Variants in DGKB observed in about 807,000 individuals in gnomAD.
DGKB encodes the protein diacylglycerol kinase beta, also known as 90 kDa diacylglycerol kinase.
Under a neutral mutation model 114.3 loss-of-function variants are expected in DGKB, and 67 were observed. The ratio of observed to expected loss-of-function variants is 0.59; its 90% confidence interval spans 0.48 to 0.72. DGKB has a LOEUF of 0.72. DGKB is among the 30% of genes least tolerant of loss of function. DGKB has a pLI of 0.00. For missense variants in DGKB, 907 were observed against 975.2 expected (o/e 0.93, Z 0.93); for synonymous variants, 398 against 323.1 (o/e 1.23, Z -2.49).
At chr7:14,226,383 CCTT>C (rs933073432) in intron 23 of DGKB, among the ~76,000 whole-genome samples, 1 of 151,798 alleles carries the variant, frequency 6.6e-6, no homozygotes, top group Non-Finnish European at 1.5e-5. Flanking sequence ...TGTTTTTTCT[CCTT>C]CTGACTCTAA....
At chr7:14,762,734 C>A (rs4518556) in intron 2 of DGKB, among the ~76,000 whole-genome samples, 5 of 151,874 alleles carry the variant, frequency 3.3e-5, no homozygotes, top group Non-Finnish European at 7.4e-5. Flanking sequence ...CATGAAGTAA[C>A]GGAGAGATTT....
intron 2 of DGKB, among the ~76,000 whole-genome samples, chr7:14,758,079 A>G (rs976079947): frequency 1.3e-5 from 2 of 152,084 alleles, no homozygotes; most frequent in African/African-American, 2.4e-5. Context: ...CAACTAAACT[A>G]AAGCCTACTT....
At chr7:14,496,307 A>G (rs1345965607) in intron 20 of DGKB, among the ~76,000 whole-genome samples, 3 of 151,738 alleles carry the variant, frequency 2.0e-5, no homozygotes, top group African/African-American at 7.2e-5. Context: ...TATGAAGATA[A>G]ACCTCAGTGG....
intron 23 of DGKB, among the ~76,000 whole-genome samples, chr7:14,249,012 A>C (rs1043073863): frequency 6.6e-6 from 1 of 152,118 alleles, no homozygotes; most frequent in Non-Finnish European, 1.5e-5. Context: ...ATGAATGTAC[A>C]TTCCTTCTAT....
At chr7:14,541,141 AG>A (rs1793372563) in intron 20 of DGKB, among the ~76,000 whole-genome samples, 1 of 152,014 alleles carries the variant, frequency 6.6e-6, no homozygotes, top group African/African-American at 2.4e-5. Flanking sequence ...TCATATGACA[AG>A]TGATGCCATG....
chr7:14,804,325 G>A (rs149568853), intron 2 of DGKB, among the ~76,000 whole-genome samples: 3 of 151,594 alleles, frequency 2.0e-5, no homozygotes, highest in African/African-American at 7.3e-5. Context: ...TCTCTAGTCG[G>A]TTTTAAGATT....
chr7:14,249,750 G>C (rs1463580267), intron 23 of DGKB, among the ~76,000 whole-genome samples: 1 of 151,888 alleles, frequency 6.6e-6, no homozygotes, highest in African/African-American at 2.4e-5. Context: ...TTAAAGGTTT[G>C]TAATTTTTTT....
intron 21 of DGKB, among the ~76,000 whole-genome samples, chr7:14,471,378 T>TATGTATGGA (rs1781355028): frequency 9.8e-6 from 1 of 101,548 alleles, no homozygotes; most frequent in Admixed American, 1.1e-4. Context: ...TACATACATA[T>TATGTATGGA]ATACACACAC....
At chr7:14,973,016 A>AT (rs939790879) in intron 1 of DGKB, among the ~76,000 whole-genome samples, 13 of 151,962 alleles carry the variant, frequency 8.6e-5, no homozygotes, top group South Asian at 2.1e-4. Flanking sequence ...TTTGGAACAG[A>AT]TTTTTTTCAT....
chr7:14,892,231 G>T (rs1314244175), intron 1 of DGKB, among the ~76,000 whole-genome samples: 1 of 151,274 alleles, frequency 6.6e-6, no homozygotes, highest in African/African-American at 2.4e-5. Context: ...GTAATACCAA[G>T]ATCCAGAATG....
intron 20 of DGKB, among the ~76,000 whole-genome samples, chr7:14,495,778 C>A (rs900323979): frequency 4.0e-5 from 6 of 151,746 alleles, no homozygotes; most frequent in African/African-American, 1.2e-4. Context: ...TCTAGGAAGC[C>A]TAGCTAGACA....
chr7:14,299,057 G>A (rs1803058690), intron 23 of DGKB, among the ~76,000 whole-genome samples: 1 of 152,126 alleles, frequency 6.6e-6, no homozygotes, highest in African/African-American at 2.4e-5. Flanking sequence ...ATGCTGAAGA[G>A]GATGTCGAGA....
intron 13 of DGKB, among the ~76,000 whole-genome samples, chr7:14,662,010 A>T (rs992167420): frequency 6.6e-6 from 1 of 151,994 alleles, no homozygotes; most frequent in African/African-American, 2.4e-5. Flanking sequence ...AACAATGAGA[A>T]CACATGGACA....
At position 14,540,466 on chromosome 7, in the gene DGKB, G is replaced by A. The variant is rs571867321; in HGVS notation, c.1770+33746C>T. Among the ~76,000 whole-genome samples, 221 of 152,144 alleles carry A rather than the reference G, an allele frequency of 1.5e-3. 1 individual carries two copies. Among genetic ancestry groups the A allele is most frequent in the African/African-American group, 5.2e-3 (217 of 41,542 alleles). ...TCTAACCTAAAAAGCTCTGGGGTAAGTTAAAAAAATCATCAATCCAATTAA... is the reference window on the plus strand; with the variant it reads ...TCTAACCTAAAAAGCTCTGGGGTAAATTAAAAAAATCATCAATCCAATTAA... On this transcript the variant is annotated intron_variant, in intron 20 of 25. Coordinates refer to ENST00000402815, the MANE Select transcript of DGKB (RefSeq NM_001350709.2).
intron 23 of DGKB, among the ~76,000 whole-genome samples, chr7:14,217,930 G>A (rs1185915405): frequency 6.6e-6 from 1 of 152,038 alleles, no homozygotes; most frequent in Admixed American, 6.6e-5. Context: ...CCATACTTTT[G>A]TAATAATAAA....
At chr7:14,493,249 C>T (rs1400675084) in intron 20 of DGKB, among the ~76,000 whole-genome samples, 1 of 151,990 alleles carries the variant, frequency 6.6e-6, no homozygotes, top group Non-Finnish European at 1.5e-5. Flanking sequence ...CCCTTATCTA[C>T]AGGGTATACA....
At chr7:14,760,879 T>C (rs1027839151) in intron 2 of DGKB, among the ~76,000 whole-genome samples, 1 of 152,174 alleles carries the variant, frequency 6.6e-6, no homozygotes, top group Non-Finnish European at 1.5e-5. Context: ...CAATATTTTA[T>C]TAGTGTACTG....
At chr7:14,921,355 C>T (rs748890157) in intron 1 of DGKB, among the ~76,000 whole-genome samples, 18 of 152,052 alleles carry the variant, frequency 1.2e-4, no homozygotes, top group Non-Finnish European at 1.6e-4. Flanking sequence ...TATACAAATT[C>T]GGAACTACTT....
intron 22 of DGKB, among the ~76,000 whole-genome samples, chr7:14,342,701 T>C (rs1046469856): frequency 6.6e-6 from 1 of 151,918 alleles, no homozygotes. Flanking sequence ...TCATAAGGTT[T>C]TGATAAAGAC....
Sources: allele counts gnomAD v4.1 joint callset (sites outside exome capture counted in the v4.1 genomes callset), GRCh38; gene constraint gnomAD v4.1.1; transcripts MANE v1.5; gene names NCBI Gene and HGNC (gene_info 2026-07-23, HGNC 2026-07-21).